TYW5: variants seen among roughly 807,000 people sequenced by gnomAD.
TYW5 encodes tRNA-yW synthesizing protein 5.
A neutral mutation model predicts 44.4 loss-of-function variants in TYW5; 36 were observed. The observed-to-expected ratio is 0.81, with a 90% CI of 0.62 to 1.07. The LOEUF (loss-of-function observed/expected upper bound fraction) is 1.07, where lower values mean the gene tolerates loss of function less well. TYW5 is among the 50% of genes least tolerant of loss of function. The pLI is 0.00. For missense variants in TYW5, 354 were observed against 365.7 expected, an observed-to-expected ratio of 0.97 and a Z score of 0.26; for synonymous variants, 121 against 128.1, an observed-to-expected ratio of 0.94 and a Z score of 0.37.
At chr2:199,938,572 A>G (rs1477390431) in intron 5 of TYW5, among the ~76,000 whole-genome samples, 1 of 152,174 alleles carries the variant, frequency 6.6e-6, no homozygotes, top group Non-Finnish European at 1.5e-5. Flanking sequence ...AGTCATGTGT[A>G]TCATTTATAC....
chr2:199,945,314 T>C (rs2077495765), intron 2 of TYW5: 1 of 152,312 alleles, frequency 6.6e-6, no homozygotes, highest in Non-Finnish European at 1.5e-5. Context: ...TTTCCTGCCT[T>C]ATATCCTCCC....
At chr2:199,943,864 TTAATAA>T (rs2077484245) in intron 2 of TYW5, 30 bp from the exon 3 acceptor site, 1 of 1,564,712 alleles carries the variant, frequency 6.4e-7, no homozygotes, top group Non-Finnish European at 8.7e-7. Context: ...ATCCTTGGAC[TTAATAA>T]TAACAGATCA....
rs1289237310 is a variant in TYW5 at position 199,932,244 on chromosome 2, G to C, written c.*823C>G. ...CCAAATCCCAAACACTCTTGAATCA[G>C]TCTACAAAGTTGGGACCTAGGTATC... On this transcript the variant is annotated 3_prime_UTR_variant, in exon 8 of 8. Coordinates refer to ENST00000354611, the MANE Select transcript of TYW5 (RefSeq NM_001039693.3). The C allele has an allele frequency of 6.6e-6, 1 of 152,136 alleles. No individual in the cohort carries two copies. The highest frequency in any genetic ancestry group is 1.5e-5 in the Non-Finnish European group (1 of 68,026). The allele number at this position is 152,136 out of a possible 1,614,324, so 9.4% of individuals were successfully genotyped here.
chr2:199,935,997 G>C lies in TYW5; in HGVS notation c.625C>G (p.Pro209Ala). 1 of 1,613,070 alleles carries C rather than the reference G, an allele frequency of 6.2e-7. No individual in the cohort carries two copies. Among genetic ancestry groups the C allele is most frequent in the Non-Finnish European group, 8.5e-7 (1 of 1,179,474 alleles). The change falls in exon 7 of 8, where the codon CCA (proline) becomes GCA (alanine). Residue 209 changes from proline to alanine, a missense_variant. Physicochemically the swap from Pro to Ala is conservative, Grantham distance 27. Transcript: ENST00000354611. The stretch of plus-strand genomic sequence containing the variant: ...TATCTTCTAGCCTTGGAAAAAAGTG[G>C]ATATTTAGCCAAGTCTGGGTTATCT... Reference protein sequence around the residue: ...NIDNPDLAKYPLFSKARRYEC... With the variant: ...NIDNPDLAKYALFSKARRYEC...
intron 1 of TYW5, among the ~76,000 whole-genome samples, chr2:199,953,711 T>C (rs2077566564): frequency 6.6e-6 from 1 of 152,198 alleles, no homozygotes; most frequent in African/African-American, 2.4e-5. Flanking sequence ...CTATGCCCCC[T>C]CATACTTTTT....
chr2:199,953,813 C>T (rs1033207640), intron 1 of TYW5, among the ~76,000 whole-genome samples: 5 of 152,034 alleles, frequency 3.3e-5, no homozygotes, highest in Admixed American at 1.3e-4. Flanking sequence ...TTGTAATTTT[C>T]GACTTTTTAA....
At chr2:199,941,472 C>A (rs921018704) in intron 3 of TYW5, among the ~76,000 whole-genome samples, 4 of 152,084 alleles carry the variant, frequency 2.6e-5, no homozygotes, top group African/African-American at 9.7e-5. Flanking sequence ...CCTCTTTCAC[C>A]CAACACTGAG....
chr2:199,952,729 C>T (rs1363585337), intron 1 of TYW5, among the ~76,000 whole-genome samples: 2 of 152,144 alleles, frequency 1.3e-5, no homozygotes, highest in Non-Finnish European at 2.9e-5. Flanking sequence ...CTTCCATAGA[C>T]CTAGATTATA....
chr2:199,950,240 T>C (rs1471975905), intron 1 of TYW5, among the ~76,000 whole-genome samples: 1 of 152,250 alleles, frequency 6.6e-6, no homozygotes, highest in African/African-American at 2.4e-5. Context: ...GGTGTACGTA[T>C]GAACCATAAA....
intron 3 of TYW5, chr2:199,943,279 A>T (rs1326951583): frequency 6.6e-6 from 1 of 152,526 alleles, no homozygotes; most frequent in African/African-American, 2.4e-5. Context: ...TTTAATCCTG[A>T]ACAAATATTA....
chr2:199,936,579 C>T, intron 5 of TYW5, 87 bp from the exon 6 acceptor site: 1 of 1,077,424 alleles, frequency 9.3e-7, no homozygotes, highest in Non-Finnish European at 1.4e-6. Flanking sequence ...AACTGCAAAC[C>T]CGATCCTTTA....
At position 199,929,669 on chromosome 2, in the gene TYW5, A is replaced by G. The variant is rs962521331; in HGVS notation, c.*3398T>C. 1.2e-4 allele frequency among the ~76,000 whole-genome samples: 18 copies of G among 152,170 alleles called. No individual in the cohort carries two copies. Among genetic ancestry groups the G allele is most frequent in the Middle Eastern group, 3.4e-3 (1 of 294 alleles). On this transcript the variant is annotated 3_prime_UTR_variant, in exon 8 of 8. Coordinates refer to ENST00000354611, the MANE Select transcript of TYW5 (RefSeq NM_001039693.3). ...CAAATGTTCACATAGCTGCTGTTCA[A>G]AAGGATGAAGGATACAAATTAAGTT...
At position 199,937,079 on chromosome 2, in the gene TYW5, G is replaced by A. The variant is rs144450896; in HGVS notation, c.487-587C>T. On this transcript the variant is annotated intron_variant, in intron 5 of 7. Transcript: ENST00000354611. ...ATATATATTTATTATTGGAGCAATCGTTTCCCATGAATGTAATGGTATACT... is the reference window on the plus strand; with the variant it reads ...ATATATATTTATTATTGGAGCAATCATTTCCCATGAATGTAATGGTATACT... 8.0e-3 allele frequency among the ~76,000 whole-genome samples: 1,218 copies of A among 151,718 alleles called. 16 individuals carry two copies. The highest frequency in any genetic ancestry group is 0.028 in the African/African-American group (1,141 of 41,362).
chr2:199,955,414 G>C lies in TYW5; in HGVS notation c.57C>G (p.Phe19Leu). The change falls in exon 1 of 8, where the codon TTC becomes TTG. Residue 19 changes from phenylalanine to leucine, a missense_variant. Coordinates refer to ENST00000354611, the MANE Select transcript of TYW5 (RefSeq NM_001039693.3). ...PRLEGVSREQFMQHLYPQRKP... is the reference protein window; with the variant it reads ...PRLEGVSREQLMQHLYPQRKP... ...TCACCTGTGGGTAGAGGTGCTGCAT[G>C]AACTGCTCCCGAGAAACGCCCTCCA... is the stretch of plus-strand genomic sequence containing the variant. 6.2e-7 allele frequency: 1 copy of C among 1,613,864 alleles called. No individual in the cohort carries two copies. The highest frequency in any genetic ancestry group is 1.1e-5 in the South Asian group (1 of 90,980).
rs2077351774 is a variant in TYW5 at position 199,929,167 on chromosome 2, C to CTT, written c.*3898_*3899dup. ...CATTTTAGTATTCTGTTTAATGGAA[C>CTT]TTAGAAAGAGACTACATCGTGGGGT... On this transcript the variant is annotated 3_prime_UTR_variant, in exon 8 of 8. Coordinates refer to ENST00000354611, the MANE Select transcript of TYW5 (RefSeq NM_001039693.3). 9.1e-6 allele frequency among the ~76,000 whole-genome samples: 1 copy of CTT among 109,766 alleles called. No individual in the cohort carries two copies. The highest frequency in any genetic ancestry group is 2.2e-5 in the Non-Finnish European group (1 of 45,888). The allele number at this position is 109,766 out of a possible 152,430, so 72.0% of individuals were successfully genotyped here.
At chr2:199,944,057 T>C (rs1450171237) in intron 2 of TYW5, 4 of 409,560 alleles carry the variant, frequency 9.8e-6, no homozygotes, top group Non-Finnish European at 1.7e-5. Flanking sequence ...ATTAAATATT[T>C]CAAAATCTAT....
At chr2:199,951,886 G>A (rs943392261) in intron 1 of TYW5, among the ~76,000 whole-genome samples, 14 of 151,836 alleles carry the variant, frequency 9.2e-5, no homozygotes, top group Admixed American at 4.6e-4. Context: ...GTGTGGTGGC[G>A]GGCACCTGTA....
chr2:199,948,400 G>C lies in TYW5; in HGVS notation c.151C>G (p.Gln51Glu). ...TTTACTTCTTTCTTCCCTCCAACTTGGCTTAGGTAATCCACTGTCCATTTG... is the reference window on the plus strand; with the variant it reads ...TTTACTTCTTTCTTCCCTCCAACTTCGCTTAGGTAATCCACTGTCCATTTG... ...TSKWTVDYLS[Q>E]VGGKKEVKIH... Residue 51 changes from glutamine (Q) to glutamate (E), a missense_variant, in exon 2 of 8, where the codon CAA becomes GAA. Physicochemically the swap from Gln to Glu is conservative, Grantham distance 29. Coordinates refer to ENST00000354611, the MANE Select transcript of TYW5 (RefSeq NM_001039693.3). 6.2e-7 allele frequency: 1 copy of C among 1,614,034 alleles called. No homozygotes were observed. Among genetic ancestry groups the C allele is most frequent in the Non-Finnish European group, 8.5e-7 (1 of 1,180,002 alleles).
chr2:199,953,798 GTTGT>G (rs1220177127), intron 1 of TYW5, among the ~76,000 whole-genome samples: 1 of 152,172 alleles, frequency 6.6e-6, no homozygotes, highest in Non-Finnish European at 1.5e-5. Context: ...GCCAGAGAAA[GTTGT>G]TTGTAATTTT....
Sources: allele counts gnomAD v4.1 joint callset (sites outside exome capture counted in the v4.1 genomes callset), GRCh38; gene constraint gnomAD v4.1.1; transcripts MANE v1.5; gene names NCBI Gene and HGNC (gene_info 2026-07-23, HGNC 2026-07-21).